STK39: variants seen among roughly 807,000 people sequenced by gnomAD.
STK39 encodes the protein serine/threonine kinase 39, also known as STE20/SPS1-related proline-alanine-rich protein kinase.
Under a neutral mutation model 77.8 loss-of-function variants are expected in STK39, and 20 were observed. The ratio of observed to expected loss-of-function variants is 0.26; its 90% CI spans 0.18 to 0.37. The LOEUF (loss-of-function observed/expected upper bound fraction) is 0.37. STK39 is among the 10% of genes least tolerant of loss of function. The pLI is 1.00. For synonymous variants in STK39, 246 were observed against 234.1 expected, an observed-to-expected ratio of 1.05 and a Z score of -0.47; for missense variants, 479 against 656.5, an observed-to-expected ratio of 0.73 and a Z score of 2.95.
chr2:168,045,889 G>C (rs986720435), intron 14 of STK39, among the ~76,000 whole-genome samples: 1 of 152,136 alleles, frequency 6.6e-6, no homozygotes, highest in Non-Finnish European at 1.5e-5. Context: ...CGAGTTACTG[G>C]TCTAGGGTGT....
intron 16 of STK39, among the ~76,000 whole-genome samples, chr2:167,974,377 G>A (rs1482717673): frequency 1.3e-5 from 2 of 151,992 alleles, no homozygotes; most frequent in Non-Finnish European, 2.9e-5. Flanking sequence ...GGTCTTTTCT[G>A]ACCTCTAACT....
At chr2:168,122,153 A>G (rs961763706) in intron 10 of STK39, among the ~76,000 whole-genome samples, 55 of 152,138 alleles carry the variant, frequency 3.6e-4, no homozygotes, top group African/African-American at 1.2e-3. Flanking sequence ...TGTGGTGCCC[A>G]GTAAGTTGTT....
intron 14 of STK39, among the ~76,000 whole-genome samples, chr2:168,061,877 G>A (rs1011936864): frequency 3.3e-5 from 5 of 152,150 alleles, no homozygotes; most frequent in Admixed American, 2.0e-4. Flanking sequence ...TACGTGTTTT[G>A]ACACATTTTC....
At chr2:168,243,636 G>A (rs1690828322) in intron 1 of STK39, among the ~76,000 whole-genome samples, 2 of 152,120 alleles carry the variant, frequency 1.3e-5, no homozygotes, top group Non-Finnish European at 2.9e-5. Context: ...AAGAAATTCA[G>A]CAAAGATAAC....
At chr2:168,195,746 G>A (rs1027436722) in intron 1 of STK39, among the ~76,000 whole-genome samples, 3 of 152,236 alleles carry the variant, frequency 2.0e-5, no homozygotes, top group Non-Finnish European at 2.9e-5. Flanking sequence ...GCTGCGCGAG[G>A]TGGCTCACGC....
chr2:168,000,700 G>T (rs761053209), intron 16 of STK39, among the ~76,000 whole-genome samples: 1 of 152,132 alleles, frequency 6.6e-6, no homozygotes, highest in East Asian at 1.9e-4. Flanking sequence ...CCTACATATC[G>T]CAGAAAGACA....
At chr2:168,035,297 A>G (rs1473115016) in intron 14 of STK39, among the ~76,000 whole-genome samples, 1 of 152,258 alleles carries the variant, frequency 6.6e-6, no homozygotes, top group African/African-American at 2.4e-5. Flanking sequence ...CTTGCTTACA[A>G]GTTCCTTTCA....
intron 1 of STK39, among the ~76,000 whole-genome samples, chr2:168,217,455 T>C (rs558878849): frequency 1.3e-5 from 2 of 152,322 alleles, no homozygotes; most frequent in South Asian, 4.1e-4. Context: ...CAAAGAATCA[T>C]ATAAACTGAC....
chr2:168,131,028 G>C (rs546859443), intron 8 of STK39, among the ~76,000 whole-genome samples: 8 of 152,322 alleles, frequency 5.3e-5, no homozygotes, highest in African/African-American at 1.9e-4. Flanking sequence ...GTGTGAATCT[G>C]CTAAATATTA....
intron 14 of STK39, among the ~76,000 whole-genome samples, chr2:168,018,594 G>GAAAGAAAGAAAGAAAGAAAGAAAT (rs1452217033): frequency 6.7e-6 from 1 of 148,222 alleles, no homozygotes; most frequent in African/African-American, 2.5e-5. Context: ...AAGAAAGAAA[G>GAAAGAAAGAAAGAAAGAAAGAAAT]AAAGAAATTG....
chr2:167,998,918 G>A (rs571955849), intron 16 of STK39, among the ~76,000 whole-genome samples: 19 of 152,300 alleles, frequency 1.2e-4, no homozygotes, highest in Middle Eastern at 3.4e-3. Flanking sequence ...AATGAAACGC[G>A]TCTGAAGGAA....
Position 168,075,160 on chromosome 2 carries a change from G to A in STK39, c.1161C>T (p.Asp387=), listed in dbSNP as rs376169903. ...TEDGDWEWSD[D]EMDEKSEEGK... is the part of the protein sequence containing the mutation. Reference sequence around the variant, plus strand: ...CTTCTTCGCTCTTCTCATCCATCTCGTCGTCACTCCACTCCCAGTCCCCGT... The same window carrying A: ...CTTCTTCGCTCTTCTCATCCATCTCATCGTCACTCCACTCCCAGTCCCCGT... The change falls in exon 11 of 18, where the codon GAC becomes GAT. Residue 387 remains aspartate, a synonymous_variant. Coordinates refer to ENST00000355999, the MANE Select transcript of STK39 (RefSeq NM_013233.3). 5.1e-5 allele frequency: 82 copies of A among 1,613,814 alleles called. No homozygotes were observed. Among genetic ancestry groups the A allele is most frequent in the East Asian group, 2.4e-4 (11 of 44,900 alleles).
chr2:168,069,162 C>T (rs1223739290), intron 12 of STK39, among the ~76,000 whole-genome samples: 1 of 152,200 alleles, frequency 6.6e-6, no homozygotes, highest in African/African-American at 2.4e-5. Flanking sequence ...AGGTGATCCA[C>T]CCGCCTCAGC....
chr2:168,015,417 C>T (rs1437287777), intron 15 of STK39, among the ~76,000 whole-genome samples: 1 of 152,214 alleles, frequency 6.6e-6, no homozygotes, highest in Non-Finnish European at 1.5e-5. Context: ...GATATATGCA[C>T]ATCACTTCCT....
At chr2:167,990,896 C>T (rs4667992) in intron 16 of STK39, among the ~76,000 whole-genome samples, 83,891 of 152,032 alleles carry the variant, frequency 0.55, 24,389 homozygotes, top group African/African-American at 0.66. Flanking sequence ...GAATGACCCA[C>T]ATTTCCCCAA....
intron 16 of STK39, among the ~76,000 whole-genome samples, chr2:167,973,140 T>C (rs757959784): frequency 4.6e-5 from 7 of 152,204 alleles, no homozygotes; most frequent in African/African-American, 1.4e-4. Flanking sequence ...AATAAGTGCT[T>C]AAATATTTTG....
At chr2:168,162,256 A>C (rs1257408944) in intron 4 of STK39, among the ~76,000 whole-genome samples, 2 of 138,132 alleles carry the variant, frequency 1.4e-5, no homozygotes, top group African/African-American at 5.4e-5. Flanking sequence ...ACTGCACTCC[A>C]GCCTGGGCAA....
At chr2:168,143,555 A>G (rs1190640553) in intron 5 of STK39, among the ~76,000 whole-genome samples, 1 of 152,182 alleles carries the variant, frequency 6.6e-6, no homozygotes, top group African/African-American at 2.4e-5. Context: ...TACTAAAAAA[A>G]TACAAAAAAT....
chr2:168,026,590 G>A (rs1440770763), intron 14 of STK39, among the ~76,000 whole-genome samples: 1 of 152,190 alleles, frequency 6.6e-6, no homozygotes, highest in African/African-American at 2.4e-5. Flanking sequence ...AGGACCTCTA[G>A]ACCACTGCTC....
Sources: allele counts gnomAD v4.1 joint callset (sites outside exome capture counted in the v4.1 genomes callset), GRCh38; gene constraint gnomAD v4.1.1; transcripts MANE v1.5; gene names NCBI Gene and HGNC (gene_info 2026-07-23, HGNC 2026-07-21).